HIVEP1: variants seen among roughly 807,000 people sequenced by gnomAD.
The protein encoded by HIVEP1 is zinc finger protein 40.
A neutral mutation model predicts 180.0 loss-of-function variants in HIVEP1; 36 were observed. That is an observed-to-expected ratio of 0.20 (90% CI 0.15 to 0.26). The LOEUF (loss-of-function observed/expected upper bound fraction) is 0.26, where lower values mean the gene tolerates loss of function less well. HIVEP1 is among the 10% of genes least tolerant of loss of function. The probability of loss-of-function intolerance (pLI) is 1.00; values close to 1 mark genes in which losing one functional copy is unlikely to be tolerated. For missense variants in HIVEP1, 3,143 were observed against 3,268.7 expected (o/e 0.96, Z 0.94); for synonymous variants, 1,239 against 1,239.0 (o/e 1.00, Z 0.00).
At chr6:12,202,149 A>G in the HIVEP1 span, among the ~76,000 whole-genome samples, 1 of 151,878 alleles carries the variant, frequency 6.6e-6, no homozygotes, top group African/African-American at 2.4e-5. Context: ...TTTCTTCTAT[A>G]TTTTATTTTA....
intron 2 of HIVEP1, among the ~76,000 whole-genome samples, chr6:12,027,859 A>G (rs1768686800): frequency 6.6e-6 from 1 of 152,258 alleles, no homozygotes; most frequent in Non-Finnish European, 1.5e-5. Flanking sequence ...TAGTCCCTAC[A>G]ACACTTTCTG....
chr6:12,109,664 T>C (rs2113450374), intron 3 of HIVEP1, among the ~76,000 whole-genome samples: 1 of 152,352 alleles, frequency 6.6e-6, no homozygotes, highest in Middle Eastern at 3.4e-3. Flanking sequence ...CCACCACATC[T>C]GCGGGGACTT....
chr6:12,186,475 T>C, the HIVEP1 span, among the ~76,000 whole-genome samples: 1 of 150,342 alleles, frequency 6.7e-6, no homozygotes, highest in Non-Finnish European at 1.5e-5. Flanking sequence ...TCTGGGATGA[T>C]GGAAATGTTC....
intron 6 of HIVEP1, 108 bp from the exon 7 acceptor site, chr6:12,135,683 G>A (rs1002643164): frequency 2.1e-5 from 14 of 679,866 alleles, no homozygotes; most frequent in South Asian, 1.3e-4. Context: ...GGAGTTGTAC[G>A]ACCACAATCT....
chr6:12,170,262 C>T, the HIVEP1 span, among the ~76,000 whole-genome samples: 1 of 151,578 alleles, frequency 6.6e-6, no homozygotes, highest in Non-Finnish European at 1.5e-5. Context: ...CCACCGAGTC[C>T]AGCAGGAGTG....
At chr6:12,207,897 C>T in the HIVEP1 span, among the ~76,000 whole-genome samples, 10 of 113,002 alleles carry the variant, frequency 8.8e-5, no homozygotes, top group African/African-American at 3.1e-4. Flanking sequence ...GCCTGAGACT[C>T]TGTCTCAAAA....
downstream of HIVEP1, among the ~76,000 whole-genome samples, chr6:12,165,927 A>G (rs1760689527): frequency 6.6e-6 from 1 of 152,200 alleles, no homozygotes; most frequent in African/African-American, 2.4e-5. Flanking sequence ...TAGGATCTCC[A>G]AGGTGTGCTG....
chr6:12,114,939 G>C (rs1581710101), intron 3 of HIVEP1, among the ~76,000 whole-genome samples: 1 of 152,176 alleles, frequency 6.6e-6, no homozygotes, highest in Non-Finnish European at 1.5e-5. Flanking sequence ...TTAGAAAACA[G>C]GTACTACTTA....
chr6:12,076,861 A>G (rs913777524), intron 2 of HIVEP1, among the ~76,000 whole-genome samples: 1 of 152,152 alleles, frequency 6.6e-6, no homozygotes, highest in Non-Finnish European at 1.5e-5. Flanking sequence ...GCTGAAGGAA[A>G]GAGAATTCTT....
the HIVEP1 span, among the ~76,000 whole-genome samples, chr6:12,172,665 T>A: frequency 6.6e-6 from 1 of 152,206 alleles, no homozygotes; most frequent in Non-Finnish European, 1.5e-5. Context: ...TAGTGCAGTA[T>A]TTTTAATTTT....
At chr6:12,127,245 G>T (rs1245367138) in intron 4 of HIVEP1, among the ~76,000 whole-genome samples, 1 of 152,130 alleles carries the variant, frequency 6.6e-6, no homozygotes, top group African/African-American at 2.4e-5. Context: ...TGAAGAGTCT[G>T]GCCTGGTTAA....
intron 7 of HIVEP1, among the ~76,000 whole-genome samples, chr6:12,141,510 A>G (rs1487124508): frequency 1.3e-5 from 2 of 152,010 alleles, no homozygotes; most frequent in Non-Finnish European, 2.9e-5. Context: ...TCAAATTCAC[A>G]CATAACAATA....
intron 3 of HIVEP1, among the ~76,000 whole-genome samples, chr6:12,106,739 G>T (rs2113426436): frequency 6.6e-6 from 1 of 152,272 alleles, no homozygotes; most frequent in Non-Finnish European, 1.5e-5. Flanking sequence ...ATAGTCTACA[G>T]AAGTGATTAA....
At chr6:12,106,081 C>G (rs981908577) in intron 3 of HIVEP1, among the ~76,000 whole-genome samples, 2 of 151,678 alleles carry the variant, frequency 1.3e-5, no homozygotes, top group African/African-American at 4.8e-5. Context: ...TATACACACA[C>G]ACATATATAC....
At chr6:12,040,466 T>G (rs990381295) in intron 2 of HIVEP1, among the ~76,000 whole-genome samples, 1 of 152,194 alleles carries the variant, frequency 6.6e-6, no homozygotes, top group Non-Finnish European at 1.5e-5. Context: ...ATCTAAATTA[T>G]CTGTAGATTT....
chr6:12,145,795 A>G (rs560507954), intron 7 of HIVEP1, among the ~76,000 whole-genome samples: 93 of 152,298 alleles, frequency 6.1e-4, no homozygotes, highest in Admixed American at 1.9e-3. Context: ...AATAAATTAT[A>G]TAAGGGCAAA....
chr6:12,145,870 A>G (rs1016663940), intron 7 of HIVEP1, among the ~76,000 whole-genome samples: 1 of 152,192 alleles, frequency 6.6e-6, no homozygotes, highest in African/African-American at 2.4e-5. Context: ...ATAGTAGGTA[A>G]TAAACAGTTG....
At position 12,124,628 on chromosome 6, in the gene HIVEP1, T is replaced by C. The variant is rs771397330; in HGVS notation, c.4833T>C (p.Asn1611=). The C allele has an allele frequency of 6.2e-7, 1 of 1,614,234 alleles. No individual in the cohort carries two copies. Among genetic ancestry groups the C allele is most frequent in the South Asian group, 1.1e-5 (1 of 91,078 alleles). The change falls in exon 4 of 9, where the codon AAT becomes AAC. Residue 1611 remains asparagine, a synonymous_variant. Coordinates refer to ENST00000379388, the MANE Select transcript of HIVEP1 (RefSeq NM_002114.4). The stretch of plus-strand genomic sequence containing the variant: ...CCAAATTAATTGACAGCATGTCTAA[T>C]TCGCATCCTCTGCTACCACCAGAGC... ...LPTKLIDSMS[N]SHPLLPPELR... is the part of the protein sequence containing the mutation.
intron 7 of HIVEP1, among the ~76,000 whole-genome samples, chr6:12,142,124 A>G (rs1394518952): frequency 6.6e-6 from 1 of 152,232 alleles, no homozygotes; most frequent in East Asian, 1.9e-4. Flanking sequence ...AATTGACCAC[A>G]TAGTTGGAAG....
Sources: gnomAD v4.1 joint callset for allele counts (sites outside exome capture counted in the v4.1 genomes callset) on GRCh38, gnomAD v4.1.1 for gene constraint, MANE v1.5 for transcripts, NCBI Gene and HGNC (gene_info 2026-07-23, HGNC 2026-07-21) for gene names.